Variants in TSPAN11 observed in about 807,000 individuals in gnomAD.
The protein encoded by TSPAN11 is tetraspanin 11.
TSPAN11 carries 29 observed loss-of-function variants against 32.9 expected under a neutral mutation model. The observed-to-expected ratio is 0.88, with a 90% CI of 0.66 to 1.20. The LOEUF (loss-of-function observed/expected upper bound fraction) is 1.20, where lower values mean the gene tolerates loss of function less well. TSPAN11 is among the 50% of genes most tolerant of loss of function. TSPAN11 has a pLI of 0.00. For missense variants in TSPAN11, 283 were observed against 329.1 expected, an observed-to-expected ratio of 0.86 and a Z score of 1.08; for synonymous variants, 140 against 141.3, an observed-to-expected ratio of 0.99 and a Z score of 0.07.
At chr12:30,974,202 GC>G (rs2140299689) in intron 3 of TSPAN11, among the ~76,000 whole-genome samples, 1 of 152,314 alleles carries the variant, frequency 6.6e-6, no homozygotes, top group East Asian at 1.9e-4. Context: ...TATTTTTGTG[GC>G]TCCCACAGTG....
At chr12:30,979,534 G>T (rs181693950) in intron 4 of TSPAN11, 32 bp from the exon 5 acceptor site, 1 of 1,608,300 alleles carries the variant, frequency 6.2e-7, no homozygotes, top group Non-Finnish European at 8.5e-7. Context: ...GGCTGGTCCC[G>T]CTGATGGGGA....
At chr12:30,981,373 C>T (rs150325408) in intron 5 of TSPAN11, among the ~76,000 whole-genome samples, 2 of 152,314 alleles carry the variant, frequency 1.3e-5, no homozygotes, top group East Asian at 1.9e-4. Flanking sequence ...CTGATGGCGC[C>T]GGGCTCTCTT....
chr12:30,958,945 CTCT>C (rs1438725189), intron 2 of TSPAN11, among the ~76,000 whole-genome samples: 1 of 152,164 alleles, frequency 6.6e-6, no homozygotes, highest in Admixed American at 6.5e-5. Flanking sequence ...TTCCAGGAGC[CTCT>C]TCTTAATGAC....
chr12:30,966,963 G>T lies in TSPAN11; in HGVS notation c.276+2946G>T, dbSNP rs774133493. Among the ~76,000 whole-genome samples, 35 of 152,218 alleles carry T rather than the reference G, an allele frequency of 2.3e-4. 1 individual carries two copies. Among genetic ancestry groups the T allele is most frequent in the Admixed American group, 1.3e-4 (2 of 15,284 alleles). On this transcript the variant is annotated intron_variant, in intron 3 of 7. Transcript: ENST00000546076. ...ACAGAGTCCAGTGCTCCATCCAAAG[G>T]TTACAGGCTGAAAGACACTGGGTGG...
chr12:30,930,062 A>G (rs1728779855), intron 1 of TSPAN11, among the ~76,000 whole-genome samples: 1 of 151,876 alleles, frequency 6.6e-6, no homozygotes, highest in African/African-American at 2.4e-5. Flanking sequence ...AGAGAACTGG[A>G]CCCTCTGTTC....
At chr12:30,957,228 A>ACCCCCCCCCCCCCCCCCC (rs56296744) in intron 2 of TSPAN11, among the ~76,000 whole-genome samples, 2 of 107,404 alleles carry the variant, frequency 1.9e-5, no homozygotes, top group Non-Finnish European at 4.0e-5. Flanking sequence ...ATGGCCTGGG[A>ACCCCCCCCCCCCCCCCCC]CCCCCCCCCC....
intron 1 of TSPAN11, among the ~76,000 whole-genome samples, chr12:30,950,280 A>G (rs1023846407): frequency 1.3e-5 from 2 of 152,208 alleles, no homozygotes; most frequent in Non-Finnish European, 2.9e-5. Context: ...CAAAGTGGAG[A>G]CAGACAGTAC....
intron 1 of TSPAN11, among the ~76,000 whole-genome samples, chr12:30,945,251 C>T (rs568015711): frequency 1.3e-5 from 2 of 152,226 alleles, no homozygotes; most frequent in African/African-American, 4.8e-5. Context: ...CAACACAGGC[C>T]AGCATCTTGA....
At chr12:31,005,144 A>G in the TSPAN11 span, among the ~76,000 whole-genome samples, 76 of 152,356 alleles carry the variant, frequency 5.0e-4, no homozygotes, top group Admixed American at 1.2e-3. Flanking sequence ...CACTTAGGGA[A>G]AAAAGAAATT....
intron 3 of TSPAN11, among the ~76,000 whole-genome samples, chr12:30,967,906 C>T (rs1938770866): frequency 6.6e-6 from 1 of 151,940 alleles, no homozygotes; most frequent in Non-Finnish European, 1.5e-5. Context: ...TAATCCACAT[C>T]CTGGCCCAAC....
At chr12:30,985,709 G>T (rs1043228899) in intron 7 of TSPAN11, among the ~76,000 whole-genome samples, 9 of 152,242 alleles carry the variant, frequency 5.9e-5, no homozygotes, top group Admixed American at 4.6e-4. Flanking sequence ...TTGAGAGCCT[G>T]TAGAAGCTGC....
chr12:30,953,754 A>C (rs1228354690), intron 1 of TSPAN11, among the ~76,000 whole-genome samples: 1 of 152,252 alleles, frequency 6.6e-6, no homozygotes, highest in Non-Finnish European at 1.5e-5. Flanking sequence ...TCAAGAGGAC[A>C]AAACTGACAT....
At chr12:30,966,543 A>G (rs1474672073) in intron 3 of TSPAN11, among the ~76,000 whole-genome samples, 2 of 152,244 alleles carry the variant, frequency 1.3e-5, no homozygotes, top group Non-Finnish European at 2.9e-5. Context: ...AGATGAAGAA[A>G]CTGGGCTGAG....
rs542642981 is a variant in TSPAN11, at chr12:30,941,571, G to C, written c.-11-12410G>C. Among the ~76,000 whole-genome samples, 139 of 152,356 alleles carry C rather than the reference G, an allele frequency of 9.1e-4. 1 individual carries two copies. The highest frequency in any genetic ancestry group is 1.5e-3 in the Non-Finnish European group (103 of 68,022). ...CAAGTTAGAAACAGAACTGGGACTA[G>C]AGCCCAGGTCCCTGGGTGTAGGCCT... On this transcript the variant is annotated intron_variant, in intron 1 of 7. Transcript: ENST00000546076.
chr12:30,970,014 TTGTCCTCCCCTCTGTTC>T (rs1938816363), intron 3 of TSPAN11, among the ~76,000 whole-genome samples: 1 of 152,216 alleles, frequency 6.6e-6, no homozygotes, highest in Non-Finnish European at 1.5e-5. Context: ...TTCTTGTTCT[TTGTCCTCCCCTCTGTTC>T]TTTGTCCTAC....
In TSPAN11 at chr12:30,961,034, A is replaced by G. The variant is rs927447216; in HGVS notation, c.85-2792A>G. 6.6e-5 allele frequency among the ~76,000 whole-genome samples: 10 copies of G among 151,292 alleles called. 1 individual carries two copies. The highest frequency in any genetic ancestry group is 1.0e-4 in the Non-Finnish European group (7 of 67,858). ...AGACTAGGCGACAGAGCGAGGAAAA[A>G]AAAAAAAAAGAAAAATGTAGTTATT... On this transcript the variant is annotated intron_variant, in intron 2 of 7. Transcript: ENST00000546076.
rs1243440408 is a variant in TSPAN11 at position 30,979,688 on chromosome 12, T to A, written c.456+18T>A. 1 of 1,613,538 alleles carries A rather than the reference T, an allele frequency of 6.2e-7. No individual in the cohort carries two copies. On this transcript the variant is annotated intron_variant, in intron 5 of 7. Transcript: ENST00000546076. The stretch of plus-strand genomic sequence containing the variant: ...AGCAGGATGTAAGCCATGCCCCATA[T>A]GGCCTTGAAGGCCAAGCCCACAAGG...
At chr12:30,987,225 G>T (rs142054597) in intron 7 of TSPAN11, among the ~76,000 whole-genome samples, 106 of 152,324 alleles carry the variant, frequency 7.0e-4, no homozygotes, top group Middle Eastern at 3.4e-3. Context: ...GAGTCAGGGT[G>T]TGGGAGGTGC....
intron 1 of TSPAN11, among the ~76,000 whole-genome samples, chr12:30,935,751 A>G (rs754970469): frequency 3.9e-5 from 6 of 152,160 alleles, no homozygotes; most frequent in Non-Finnish European, 7.4e-5. Flanking sequence ...ATTTTCCTGC[A>G]TGGGCTTAGG....
Sources: allele counts gnomAD v4.1 joint callset (sites outside exome capture counted in the v4.1 genomes callset), GRCh38; gene constraint gnomAD v4.1.1; transcripts MANE v1.5; gene names NCBI Gene and HGNC (gene_info 2026-07-23, HGNC 2026-07-21).